The following CGRRF1 variants were observed in gnomAD, a reference collection of about 807,000 sequenced individuals.
The protein encoded by CGRRF1 is cell growth regulator with ring finger domain 1, also known as cell growth regulator with RING finger domain protein 1.
CGRRF1 carries 32 observed loss-of-function variants against 37.2 expected under a neutral mutation model. The observed-to-expected ratio is 0.86, with a 90% CI of 0.65 to 1.16. The LOEUF (loss-of-function observed/expected upper bound fraction) is 1.16, where lower values mean the gene tolerates loss of function less well. Among genes scored for constraint, CGRRF1 ranks in the 50% most tolerant of loss-of-function variants. The pLI, the probability that CGRRF1 is intolerant of heterozygous loss-of-function variation, is 0.00. For synonymous variants in CGRRF1, 141 were observed against 140.3 expected (o/e 1.00, Z -0.04); for missense variants, 391 against 382.6 (o/e 1.02, Z -0.18).
intron 4 of CGRRF1, 56 bp downstream of exon 4, chr14:54,531,106 T>G: frequency 7.6e-7 from 1 of 1,323,828 alleles, no homozygotes; most frequent in Non-Finnish European, 1.1e-6. Flanking sequence ...ATGGTGGTTC[T>G]TCATTATTTG....
At chr14:54,519,566 T>A (rs1180101466) in intron 1 of CGRRF1, among the ~76,000 whole-genome samples, 1 of 152,128 alleles carries the variant, frequency 6.6e-6, no homozygotes, top group Admixed American at 6.5e-5. Flanking sequence ...CCAAGTCTTA[T>A]AACGACAGTT....
chr14:54,521,997 A>T (rs1287913760), intron 1 of CGRRF1, among the ~76,000 whole-genome samples: 1 of 152,206 alleles, frequency 6.6e-6, no homozygotes, highest in Non-Finnish European at 1.5e-5. Flanking sequence ...AACAATACCT[A>T]GTCCTTCCTT....
intron 1 of CGRRF1, among the ~76,000 whole-genome samples, chr14:54,511,183 G>C (rs1248262598): frequency 4.6e-5 from 7 of 152,174 alleles, no homozygotes; most frequent in Non-Finnish European, 1.0e-4. Context: ...GCCCTTGTCG[G>C]TTTCTGAAAA....
chr14:54,537,327 T>G (rs900627743), intron 4 of CGRRF1: 4 of 152,678 alleles, frequency 2.6e-5, no homozygotes, highest in African/African-American at 9.6e-5. Context: ...TTAGAGTCAA[T>G]GCATGTAGCT....
At chr14:54,526,110 A>G (rs529539906) in intron 2 of CGRRF1, among the ~76,000 whole-genome samples, 44 of 151,818 alleles carry the variant, frequency 2.9e-4, no homozygotes, top group South Asian at 6.2e-4. Flanking sequence ...AAACAAAAAC[A>G]AAAAAACACA....
intron 4 of CGRRF1, among the ~76,000 whole-genome samples, chr14:54,534,311 G>A (rs1372921186): frequency 6.6e-6 from 1 of 152,098 alleles, no homozygotes; most frequent in Non-Finnish European, 1.5e-5. Context: ...TTTTAGTAGA[G>A]ATGGTGTTTC....
intron 2 of CGRRF1, 31 bp from the exon 3 acceptor site, chr14:54,530,018 A>G (rs1353096813): frequency 6.4e-7 from 1 of 1,562,314 alleles, no homozygotes; most frequent in Admixed American, 1.7e-5. Context: ...ACATTAAATC[A>G]CTTTCATTCT....
At chr14:54,527,118 C>G (rs2032425261) in intron 2 of CGRRF1, among the ~76,000 whole-genome samples, 1 of 152,154 alleles carries the variant, frequency 6.6e-6, no homozygotes, top group African/African-American at 2.4e-5. Flanking sequence ...TTTCTTACAG[C>G]TACGTCCCAA....
At chr14:54,510,869 C>T (rs938030548) in intron 1 of CGRRF1, among the ~76,000 whole-genome samples, 1 of 152,168 alleles carries the variant, frequency 6.6e-6, no homozygotes, top group Non-Finnish European at 1.5e-5. Context: ...GCTGCAGCCT[C>T]CAAAATCCCT....
intron 1 of CGRRF1, 47 bp from the exon 2 acceptor site, chr14:54,522,407 G>C (rs1344784036): frequency 1.5e-6 from 2 of 1,331,920 alleles, no homozygotes; most frequent in East Asian, 2.6e-5. Context: ...ATAACATAAA[G>C]TTTCAACATT....
In CGRRF1 at chr14:54,510,022, C is replaced by T. The variant is rs2032102752; in HGVS notation, c.63C>T (p.Val21=). The change falls in exon 1 of 6, where the codon GTC becomes GTT. Residue 21 remains valine (V), a synonymous_variant. Coordinates refer to ENST00000216420, the MANE Select transcript of CGRRF1 (RefSeq NM_006568.3). The part of the protein sequence containing the change: ...EYSPLFYIAV[V]FTCFIVTTGL... ...CGCCGCTTTTCTACATCGCGGTGGT[C>T]TTTACCTGCTTCATCGTGACCACCG... is the stretch of plus-strand genomic sequence containing the variant. The T allele has an allele frequency of 6.2e-6, 10 of 1,613,814 alleles. No individual in the cohort carries two copies. Among genetic ancestry groups the T allele is most frequent in the Non-Finnish European group, 7.6e-6 (9 of 1,179,742 alleles).
intron 1 of CGRRF1, among the ~76,000 whole-genome samples, chr14:54,514,624 A>G (rs1279799736): frequency 6.6e-6 from 1 of 152,178 alleles, no homozygotes; most frequent in Non-Finnish European, 1.5e-5. Context: ...GGATCCCAGT[A>G]TCTGTTGTTC....
At position 54,538,100 on chromosome 14, in the gene CGRRF1, CCAA is replaced by C; in HGVS notation, c.720_722del (p.Asn241del). On this transcript the variant is annotated inframe_deletion, in exon 6 of 6. Transcript: ENST00000216420. ...TCTGCAAATAATAATTTCACTCCCT[CCAA>C]CAATTCCTCTTCAGAAGAAAAAAAC... The C allele has an allele frequency of 6.2e-7, 1 of 1,613,582 alleles. No individual in the cohort carries two copies. The highest frequency in any genetic ancestry group is 8.5e-7 in the Non-Finnish European group (1 of 1,179,894).
At chr14:54,528,368 G>C (rs547337888) in intron 2 of CGRRF1, among the ~76,000 whole-genome samples, 12 of 151,450 alleles carry the variant, frequency 7.9e-5, no homozygotes, top group African/African-American at 2.7e-4. Context: ...CATTTAATCC[G>C]CATTGATGAA....
rs1297449357 is a variant in CGRRF1, at chr14:54,538,402, A to G, written c.*19A>G. 1 of 1,556,240 alleles carries G rather than the reference A, an allele frequency of 6.4e-7. No homozygotes were observed. The highest frequency in any genetic ancestry group is 2.3e-5 in the East Asian group (1 of 44,120). On this transcript the variant is annotated 3_prime_UTR_variant, in exon 6 of 6. Transcript: ENST00000216420. ...TCTTTGAAGACATCGTAACACTGAA[A>G]AGTACACTTTCTACTAAAGATGCAG... is the stretch of plus-strand genomic sequence containing the variant.
intron 1 of CGRRF1, among the ~76,000 whole-genome samples, chr14:54,512,441 C>T (rs994349726): frequency 2.0e-5 from 3 of 152,218 alleles, no homozygotes; most frequent in South Asian, 2.1e-4. Context: ...CCATTTACAT[C>T]CTTTAACAGT....
chr14:54,520,055 G>A (rs762394071), intron 1 of CGRRF1, among the ~76,000 whole-genome samples: 11 of 152,186 alleles, frequency 7.2e-5, no homozygotes, highest in African/African-American at 2.4e-4. Context: ...GTTTGTTTTC[G>A]TTTATAGTTT....
At chr14:54,531,454 A>C (rs2140065011) in intron 4 of CGRRF1, among the ~76,000 whole-genome samples, 1 of 152,258 alleles carries the variant, frequency 6.6e-6, no homozygotes, top group East Asian at 1.9e-4. Context: ...GAATTAAGTT[A>C]ATTTCATCAT....
At chr14:54,531,796 A>G (rs1162709049) in intron 4 of CGRRF1, among the ~76,000 whole-genome samples, 2 of 152,168 alleles carry the variant, frequency 1.3e-5, no homozygotes, top group Admixed American at 6.5e-5. Flanking sequence ...AACTTTGACA[A>G]TCATCTGAGT....
Sources: allele counts gnomAD v4.1 joint callset (sites outside exome capture counted in the v4.1 genomes callset), GRCh38; gene constraint gnomAD v4.1.1; transcripts MANE v1.5; gene names NCBI Gene and HGNC (gene_info 2026-07-23, HGNC 2026-07-21).